Variants in WFDC8 observed in about 807,000 individuals in gnomAD.
WFDC8 encodes the protein WAP four-disulfide core domain protein 8.
Under a neutral mutation model 27.0 loss-of-function variants are expected in WFDC8, and 24 were observed. The observed-to-expected ratio is 0.89, with a 90% CI of 0.64 to 1.25. The LOEUF (loss-of-function observed/expected upper bound fraction) is 1.25. Among genes scored for constraint, WFDC8 ranks in the 50% most tolerant of loss-of-function variants. The pLI is 0.00. For missense variants in WFDC8, 287 were observed against 295.9 expected, an observed-to-expected ratio of 0.97 and a Z score of 0.22; for synonymous variants, 106 against 99.7, an observed-to-expected ratio of 1.06 and a Z score of -0.38.
chr20:45,577,555 C>G (rs1157849460), intron 1 of WFDC8, among the ~76,000 whole-genome samples: 1 of 149,872 alleles, frequency 6.7e-6, no homozygotes, highest in African/African-American at 2.4e-5. Context: ...CCCACCACCA[C>G]GTCCTGCTAA....
rs550478792 is a variant in WFDC8 at position 45,558,985 on chromosome 20, T to C, written c.144A>G (p.Pro48=). ...TGAGCCTCTCTTTGGGACATAACCC[T>C]GGTTTGTCTGCAAGAAAGAAATGTC... is the stretch of plus-strand genomic sequence containing the variant. ...AMLTKKIKHK[P]GLCPKERLTC... is the part of the protein sequence containing the mutation. Residue 48 remains proline (P), a synonymous_variant, in exon 3 of 6, where the codon CCA becomes CCG. Transcript: ENST00000289953. The C allele has an allele frequency of 8.7e-6, 14 of 1,613,798 alleles. No individual in the cohort carries two copies. The South Asian group carries it at 1.5e-4, about 18-fold the overall frequency.
chr20:45,561,437 C>T (rs1041525121), intron 2 of WFDC8, among the ~76,000 whole-genome samples: 1 of 152,194 alleles, frequency 6.6e-6, no homozygotes, highest in Admixed American at 6.5e-5. Context: ...CCAAGCACTA[C>T]CTTACTTTCT....
chr20:45,556,113 A>G (rs1980236297), intron 3 of WFDC8, among the ~76,000 whole-genome samples: 1 of 152,226 alleles, frequency 6.6e-6, no homozygotes. Context: ...AGAATCTTGT[A>G]CTTTGGAGCT....
In WFDC8 at chr20:45,551,838, G is replaced by A; in HGVS notation, c.*188C>T. Reference sequence around the variant, plus strand: ...CAAGAAGACAAGAAAATAAAGTCATGAAGTTGAAAAAAAGCCAAATATATC... The same window carrying A: ...CAAGAAGACAAGAAAATAAAGTCATAAAGTTGAAAAAAAGCCAAATATATC... On this transcript the variant is annotated 3_prime_UTR_variant, in exon 6 of 6. Transcript: ENST00000289953. The A allele has an allele frequency of 3.3e-6, 2 of 599,460 alleles. No homozygotes were observed. Among genetic ancestry groups the A allele is most frequent in the South Asian group, 4.9e-5 (2 of 41,234 alleles). 37.1% of individuals were successfully genotyped at this position (599,460 alleles called of 1,614,324 possible).
chr20:45,572,747 C>G (rs1980912757), intron 1 of WFDC8, among the ~76,000 whole-genome samples: 6 of 152,220 alleles, frequency 3.9e-5, no homozygotes, highest in Admixed American at 6.5e-5. Flanking sequence ...GCTGGAACTA[C>G]AGGCATGCGC....
intron 3 of WFDC8, among the ~76,000 whole-genome samples, chr20:45,556,416 T>C (rs1980253173): frequency 7.3e-6 from 1 of 137,744 alleles, no homozygotes; most frequent in Non-Finnish European, 1.6e-5. Context: ...GAGTTGAAAA[T>C]GGGTCGTAAA....
chr20:45,573,300 T>C (rs999693792), intron 1 of WFDC8, among the ~76,000 whole-genome samples: 2 of 152,226 alleles, frequency 1.3e-5, no homozygotes, highest in African/African-American at 4.8e-5. Context: ...TTTAAATATA[T>C]GCATATTTTG....
chr20:45,551,852 G>T lies in WFDC8; in HGVS notation c.*174C>A. 1.3e-6 allele frequency: 1 copy of T among 777,572 alleles called. No individual in the cohort carries two copies. The highest frequency in any genetic ancestry group is 1.8e-5 in the African/African-American group (1 of 56,528). The allele number at this position is 777,572 out of a possible 1,614,324, so 48.2% of individuals were successfully genotyped here. ...AATAAAGTCATGAAGTTGAAAAAAA[G>T]CCAAATATATCATCACTTTCAGATG... On this transcript the variant is annotated 3_prime_UTR_variant, in exon 6 of 6. Coordinates refer to ENST00000289953, the MANE Select transcript of WFDC8 (RefSeq NM_130896.3).
chr20:45,569,949 C>T (rs1036790793), intron 1 of WFDC8, among the ~76,000 whole-genome samples: 2 of 152,142 alleles, frequency 1.3e-5, no homozygotes, highest in African/African-American at 4.8e-5. Context: ...AAACCAAATA[C>T]CGCATGTTCT....
intron 1 of WFDC8, among the ~76,000 whole-genome samples, chr20:45,563,033 A>G (rs983879583): frequency 6.6e-6 from 1 of 152,232 alleles, no homozygotes; most frequent in African/African-American, 2.4e-5. Context: ...TGAGAAAGCT[A>G]TGAAGGTATC....
chr20:45,573,861 T>G (rs1980954751), intron 1 of WFDC8, among the ~76,000 whole-genome samples: 1 of 152,206 alleles, frequency 6.6e-6, no homozygotes, highest in African/African-American at 2.4e-5. Context: ...CTTTCTATTC[T>G]GTTCCATTGG....
chr20:45,570,857 T>C (rs190853635), intron 1 of WFDC8, among the ~76,000 whole-genome samples: 1 of 152,364 alleles, frequency 6.6e-6, no homozygotes, highest in Admixed American at 6.5e-5. Flanking sequence ...ATTTTAGTCG[T>C]TCTAATAGAT....
chr20:45,553,619 A>G (rs1980128170), intron 4 of WFDC8, among the ~76,000 whole-genome samples: 1 of 152,230 alleles, frequency 6.6e-6, no homozygotes, highest in South Asian at 2.1e-4. Context: ...ATGGGGATCC[A>G]TCACACTGTT....
Position 45,552,111 on chromosome 20 carries a change from G to T in WFDC8, c.641C>A (p.Pro214His). ...KPLLCTKIDKPKCLQDEECPL... is the reference protein window; with the variant it reads ...KPLLCTKIDKHKCLQDEECPL... ...GCACTCCTCATCCTGCAGGCACTTG[G>T]GTTTATCAATCTTGGTACATAGCAA... The change falls in exon 6 of 6, where the codon CCC becomes CAC. Residue 214 changes from proline to histidine, a missense_variant. By Grantham distance (77) the Pro-to-His change is moderately conservative (BLOSUM62 -2). Coordinates refer to ENST00000289953, the MANE Select transcript of WFDC8 (RefSeq NM_130896.3). The T allele has an allele frequency of 6.2e-7, 1 of 1,614,062 alleles. No individual in the cohort carries two copies. Among genetic ancestry groups the T allele is most frequent in the Non-Finnish European group, 8.5e-7 (1 of 1,179,964 alleles).
chr20:45,557,781 C>T (rs532436854), intron 3 of WFDC8, among the ~76,000 whole-genome samples: 13 of 152,222 alleles, frequency 8.5e-5, no homozygotes, highest in Admixed American at 3.9e-4. Flanking sequence ...ATTCACGGTC[C>T]AAAACCGCAA....
Position 45,555,807 on chromosome 20 carries a change from A to G in WFDC8, c.339T>C (p.Phe113=). The G allele has an allele frequency of 6.2e-7, 1 of 1,614,022 alleles. No individual in the cohort carries two copies. Among genetic ancestry groups the G allele is most frequent in the Non-Finnish European group, 8.5e-7 (1 of 1,180,008 alleles). Residue 113 remains phenylalanine, a synonymous_variant, in exon 4 of 6, where the codon TTT becomes TTC. Coordinates refer to ENST00000289953, the MANE Select transcript of WFDC8 (RefSeq NM_130896.3). ...NCNHEAQRWH[F]DFKNYRCTPF... ...GTGTGCAGCGGTAATTTTTAAAGTC[A>G]AAATGCCAGCGCTGTGCCTCATGAT...
chr20:45,568,273 A>G, intron 1 of WFDC8: 1 of 230,534 alleles, frequency 4.3e-6, no homozygotes, highest in Non-Finnish European at 9.0e-6. Context: ...GATGTTTCAT[A>G]GCCTAAGCCT....
chr20:45,557,155 G>C (rs2145564029), intron 3 of WFDC8, among the ~76,000 whole-genome samples: 1 of 152,304 alleles, frequency 6.6e-6, no homozygotes, highest in South Asian at 2.1e-4. Context: ...CACAAAAGTG[G>C]AATGAATTAG....
chr20:45,579,133 G>A (rs1453735710), intron 1 of WFDC8, 89 bp downstream of exon 1: 15 of 1,346,216 alleles, frequency 1.1e-5, no homozygotes, highest in Admixed American at 1.7e-5. Flanking sequence ...CCCCACAGCC[G>A]ACCACTCTAA....
Sources: gnomAD v4.1 joint callset for allele counts (sites outside exome capture counted in the v4.1 genomes callset) on GRCh38, gnomAD v4.1.1 for gene constraint, MANE v1.5 for transcripts, NCBI Gene and HGNC (gene_info 2026-07-23, HGNC 2026-07-21) for gene names.